SSBP2: variants seen among roughly 807,000 people sequenced by gnomAD.
The protein encoded by SSBP2 is single-stranded DNA-binding protein 2.
SSBP2 carries 17 observed loss-of-function variants against 61.8 expected under a neutral mutation model. The ratio of observed to expected loss-of-function variants is 0.28; its 90% CI spans 0.19 to 0.41. The LOEUF (loss-of-function observed/expected upper bound fraction) is 0.41, where lower values mean the gene tolerates loss of function less well. Among genes scored for constraint, SSBP2 ranks in the 10% least tolerant of loss-of-function variants. SSBP2 has a pLI of 1.00. For missense variants in SSBP2, 310 were observed against 458.7 expected (o/e 0.68, Z 2.96); for synonymous variants, 139 against 141.3 (o/e 0.98, Z 0.12).
chr5:81,660,355 G>A (rs1750583036), intron 1 of SSBP2, among the ~76,000 whole-genome samples: 5 of 152,146 alleles, frequency 3.3e-5, no homozygotes, highest in Admixed American at 6.6e-5. Context: ...AGTGGGCAAA[G>A]TATATGAACA....
At chr5:81,465,180 A>G (rs1375205507) in intron 9 of SSBP2, among the ~76,000 whole-genome samples, 1 of 152,062 alleles carries the variant, frequency 6.6e-6, no homozygotes, top group African/African-American at 2.4e-5. Flanking sequence ...TAACAAAAAA[A>G]TGGAGATCAG....
chr5:81,602,144 T>TA (rs1744427344), intron 4 of SSBP2, among the ~76,000 whole-genome samples: 1 of 151,974 alleles, frequency 6.6e-6, no homozygotes, highest in African/African-American at 2.4e-5. Context: ...TCCTTTTCCA[T>TA]AAAAAAAGTA....
At chr5:81,663,848 A>G (rs1489454875) in intron 1 of SSBP2, among the ~76,000 whole-genome samples, 1 of 152,208 alleles carries the variant, frequency 6.6e-6, no homozygotes, top group African/African-American at 2.4e-5. Flanking sequence ...TAGCAATGGG[A>G]CAAATGATTT....
chr5:81,739,488 C>T (rs1581455233), intron 1 of SSBP2, among the ~76,000 whole-genome samples: 1 of 152,166 alleles, frequency 6.6e-6, no homozygotes, highest in Non-Finnish European at 1.5e-5. Flanking sequence ...TCCCACAGAA[C>T]CTTCTGCATA....
intron 4 of SSBP2, among the ~76,000 whole-genome samples, chr5:81,586,626 C>CAAAAAAAAAAAAA (rs35214821): frequency 8.7e-6 from 1 of 114,294 alleles, no homozygotes; most frequent in Non-Finnish European, 1.9e-5. Context: ...CTGCAGTATG[C>CAAAAAAAAAAAAA]AAAAAAAAAA....
chr5:81,543,166 A>G (rs1561522289), intron 4 of SSBP2, among the ~76,000 whole-genome samples: 1 of 151,362 alleles, frequency 6.6e-6, no homozygotes, highest in Non-Finnish European at 1.5e-5. Flanking sequence ...ACATGCTTAT[A>G]CTCTCTCCTA....
At chr5:81,643,429 C>G (rs1431502747) in intron 2 of SSBP2, among the ~76,000 whole-genome samples, 1 of 151,838 alleles carries the variant, frequency 6.6e-6, no homozygotes, top group Non-Finnish European at 1.5e-5. Flanking sequence ...ACCTGTATAC[C>G]TATGTGTAAG....
intron 1 of SSBP2, among the ~76,000 whole-genome samples, chr5:81,737,798 A>AC (rs1229555106): frequency 2.6e-5 from 4 of 151,314 alleles, no homozygotes; most frequent in Admixed American, 6.6e-5. Context: ...AAAAAAAAAA[A>AC]AAAAACAAAA....
chr5:81,539,128 C>T (rs2972233), intron 4 of SSBP2, among the ~76,000 whole-genome samples: 34,343 of 152,048 alleles, frequency 0.23, 4,970 homozygotes, highest in Middle Eastern at 0.37. Context: ...TTGTGATTCA[C>T]GGGAGGAGAT....
Position 81,415,405 on chromosome 5 carries a change from A to T in SSBP2, c.*5099T>A, listed in dbSNP as rs1465783277. 6.6e-6 allele frequency: 1 copy of T among 152,224 alleles called. No individual in the cohort carries two copies. 9.4% of individuals were successfully genotyped at this position (152,224 alleles called of 1,614,324 possible). A position where few individuals can be genotyped will look rare whatever the true frequency, so the allele number is the denominator to read the frequency against. ...TATGCACATCCTCCAATATACTTCA[A>T]ATCATCTCGTTTACTTATAATACCT... On this transcript the variant is annotated 3_prime_UTR_variant, in exon 17 of 17. Coordinates refer to ENST00000320672, the MANE Select transcript of SSBP2 (RefSeq NM_012446.5).
intron 6 of SSBP2, among the ~76,000 whole-genome samples, chr5:81,481,047 C>T (rs893397742): frequency 6.6e-5 from 10 of 152,172 alleles, no homozygotes; most frequent in Non-Finnish European, 1.2e-4. Flanking sequence ...CATCTTCAGG[C>T]TTCACTTCTA....
At chr5:81,616,850 C>T (rs2153611514) in intron 3 of SSBP2, among the ~76,000 whole-genome samples, 1 of 152,278 alleles carries the variant, frequency 6.6e-6, no homozygotes, top group South Asian at 2.1e-4. Context: ...AGACTGACAC[C>T]TCACACAGCC....
chr5:81,415,507 T>C lies in SSBP2; in HGVS notation c.*4997A>G, dbSNP rs1276860772. ...GTAATTATTGTTGTATTATTGGTTT[T>C]TATTGTTATAAAAATTTTTTCCAAT... On this transcript the variant is annotated 3_prime_UTR_variant, in exon 17 of 17. Transcript: ENST00000320672. 6.6e-6 allele frequency: 1 copy of C among 152,074 alleles called. No homozygotes were observed. Among genetic ancestry groups the C allele is most frequent in the Non-Finnish European group, 1.5e-5 (1 of 68,038 alleles). The allele number at this position is 152,074 out of a possible 1,614,324, so 9.4% of individuals were successfully genotyped here.
rs1036092259 is a variant in SSBP2 at position 81,419,199 on chromosome 5, T to C, written c.*1305A>G. 6.6e-6 allele frequency: 1 copy of C among 152,332 alleles called. No individual in the cohort carries two copies. Among genetic ancestry groups the C allele is most frequent in the Non-Finnish European group, 1.5e-5 (1 of 68,034 alleles). The allele number at this position is 152,332 out of a possible 1,614,324, so 9.4% of individuals were successfully genotyped here. On this transcript the variant is annotated 3_prime_UTR_variant, in exon 17 of 17. Transcript: ENST00000320672. Reference sequence around the variant, plus strand: ...TTTTTGAACAGTCAGTTACACAATGTAGTTTTAGCCTGCTGAAGTCAATGG... The same window carrying C: ...TTTTTGAACAGTCAGTTACACAATGCAGTTTTAGCCTGCTGAAGTCAATGG...
At chr5:81,650,702 T>C (rs1199666079) in intron 1 of SSBP2, among the ~76,000 whole-genome samples, 1 of 152,080 alleles carries the variant, frequency 6.6e-6, no homozygotes, top group Admixed American at 6.6e-5. Context: ...ATGAATTAAG[T>C]TAGTGAACTT....
intron 4 of SSBP2, among the ~76,000 whole-genome samples, chr5:81,590,791 G>C (rs78487728): frequency 1.3e-5 from 2 of 152,134 alleles, no homozygotes; most frequent in Non-Finnish European, 2.9e-5. Context: ...AAAAAGCCTC[G>C]TAGCTCTAAA....
intron 2 of SSBP2, among the ~76,000 whole-genome samples, chr5:81,642,401 T>C (rs562357004): frequency 5.9e-5 from 9 of 152,342 alleles, no homozygotes; most frequent in East Asian, 1.9e-4. Context: ...TTAACTTTCA[T>C]GTAAATCTCA....
At chr5:81,561,543 A>C (rs1773041102) in intron 4 of SSBP2, among the ~76,000 whole-genome samples, 1 of 152,174 alleles carries the variant, frequency 6.6e-6, no homozygotes, top group African/African-American at 2.4e-5. Context: ...ACTATCAGTT[A>C]ATTCTCTTCT....
intron 1 of SSBP2, among the ~76,000 whole-genome samples, chr5:81,679,646 C>CA (rs1752242860): frequency 6.6e-6 from 1 of 152,062 alleles, no homozygotes; most frequent in South Asian, 2.1e-4. Flanking sequence ...TGCTCAACTA[C>CA]AAAAGGCAAA....
Sources: gnomAD v4.1 joint callset for allele counts (sites outside exome capture counted in the v4.1 genomes callset) on GRCh38, gnomAD v4.1.1 for gene constraint, MANE v1.5 for transcripts, NCBI Gene and HGNC (gene_info 2026-07-23, HGNC 2026-07-21) for gene names.